The following SSU72 variants were observed in gnomAD, a reference collection of about 807,000 sequenced individuals.
SSU72 encodes RNA polymerase II subunit A C-terminal domain phosphatase SSU72.
Under a neutral mutation model 22.7 loss-of-function variants are expected in SSU72, and 12 were observed. That is an observed-to-expected ratio of 0.53 (90% CI 0.34 to 0.86). The LOEUF is 0.86. Among genes scored for constraint, SSU72 ranks in the 40% least tolerant of loss-of-function variants. SSU72 has a pLI of 0.02. For missense variants in SSU72, 151 were observed against 249.8 expected (o/e 0.60, Z 2.67); for synonymous variants, 116 against 98.3 (o/e 1.18, Z -1.06).
intron 2 of SSU72, among the ~76,000 whole-genome samples, chr1:1,556,383 A>AG (rs1439091718): frequency 6.6e-6 from 1 of 152,182 alleles, no homozygotes; most frequent in African/African-American, 2.4e-5. Context: ...TACTAAAAAT[A>AG]CAAAAAATTA....
chr1:1,569,875 C>T (rs6603793), intron 1 of SSU72, among the ~76,000 whole-genome samples: 78,525 of 152,014 alleles, frequency 0.52, 24,615 homozygotes, highest in East Asian at 0.87. Context: ...ACAATTCCTT[C>T]TGACAATTTT....
chr1:1,543,086 G>A (rs1040919742), intron 4 of SSU72, among the ~76,000 whole-genome samples: 6 of 152,240 alleles, frequency 3.9e-5, no homozygotes, highest in Admixed American at 6.5e-5. Context: ...GGGACGGTGC[G>A]TGGGGCTCTC....
At chr1:1,557,525 G>T (rs994398576) in intron 2 of SSU72, among the ~76,000 whole-genome samples, 1 of 152,022 alleles carries the variant, frequency 6.6e-6, no homozygotes, top group Admixed American at 6.6e-5. Flanking sequence ...CGGACACAGC[G>T]GCTCACACCT....
chr1:1,572,010 T>A (rs1179701986), intron 1 of SSU72, among the ~76,000 whole-genome samples: 1 of 151,204 alleles, frequency 6.6e-6, no homozygotes, highest in Non-Finnish European at 1.5e-5. Flanking sequence ...TTAGCCAAGA[T>A]GGTCTCGATC....
chr1:1,561,215 G>C (rs75185989), intron 2 of SSU72: 4,019 of 152,322 alleles, frequency 0.026, 84 homozygotes, highest in Non-Finnish European at 0.041. Flanking sequence ...CTCCCAAGTA[G>C]CTGGGACTAC....
rs1308667052 is a variant in SSU72, at chr1:1,546,857, CAACAAAA to C, written c.225-1862_225-1856del. ...AACTCCTTCTGGAAAACAACAACAA[CAACAAAA>C]AAAAAAAAAAAAAAAAAAAAGGCCG... On this transcript the variant is annotated intron_variant, in intron 2 of 4. Coordinates refer to ENST00000291386, the MANE Select transcript of SSU72 (RefSeq NM_014188.3). 6.5e-3 allele frequency among the ~76,000 whole-genome samples: 434 copies of C among 66,292 alleles called. 4 individuals carry two copies. The East Asian group carries it at 0.092, about 14-fold the overall frequency. The allele number at this position is 66,292 out of a possible 152,430, so 43.5% of individuals were successfully genotyped here. A position where few individuals can be genotyped will look rare whatever the true frequency, so the allele number is the denominator to read the frequency against.
At chr1:1,564,656 C>CA in intron 2 of SSU72, 117 bp downstream of exon 2, 1 of 1,614,052 alleles carries the variant, frequency 6.2e-7, no homozygotes, top group Non-Finnish European at 8.5e-7. Flanking sequence ...CTCGCAAAGA[C>CA]AGAGGAGCCA....
Position 1,564,783 on chromosome 1 carries a change from C to T in SSU72, c.214G>A (p.Asp72Asn). The stretch of plus-strand genomic sequence containing the variant: ...AACCCGCTGGGATACAGTTCTTTGT[C>T]TTTCCTAAGAAGATCATTGTACATC... Reference protein sequence around the residue: ...DQMYNDLLRKDKELYTQNGIL... With the variant: ...DQMYNDLLRKNKELYTQNGIL... Residue 72 changes from aspartate to asparagine, a missense_variant, in exon 2 of 5, where the codon GAC becomes AAC. By Grantham distance (23) the Asp-to-Asn change is conservative. Coordinates refer to ENST00000291386, the MANE Select transcript of SSU72 (RefSeq NM_014188.3). 2 of 1,614,204 alleles carry T rather than the reference C, an allele frequency of 1.2e-6. No homozygotes were observed. The highest frequency in any genetic ancestry group is 1.7e-6 in the Non-Finnish European group (2 of 1,180,048).
intron 2 of SSU72, 25 bp downstream of exon 2, chr1:1,564,748 T>C: frequency 6.2e-7 from 1 of 1,614,112 alleles, no homozygotes; most frequent in Non-Finnish European, 8.5e-7. Context: ...ACGGGGGGTT[T>C]TTAAAGGGCA....
intron 2 of SSU72, chr1:1,546,420 C>T (rs969295162): frequency 7.2e-5 from 11 of 152,220 alleles, no homozygotes; most frequent in Non-Finnish European, 1.3e-4. Flanking sequence ...TCCCCGAGGC[C>T]CCTGGAAGCA....
chr1:1,550,726 C>T (rs1247039767), intron 2 of SSU72, among the ~76,000 whole-genome samples: 1 of 152,164 alleles, frequency 6.6e-6, no homozygotes, highest in Non-Finnish European at 1.5e-5. Context: ...GGAGGTTTAG[C>T]AAAGCACCAC....
At chr1:1,571,485 AT>A (rs1350262563) in intron 1 of SSU72, among the ~76,000 whole-genome samples, 6 of 151,422 alleles carry the variant, frequency 4.0e-5, no homozygotes, top group Non-Finnish European at 5.9e-5. Flanking sequence ...TAACTTCATG[AT>A]ATCCATATTC....
chr1:1,566,116 T>G (rs987505667), intron 1 of SSU72, among the ~76,000 whole-genome samples: 1 of 148,354 alleles, frequency 6.7e-6, no homozygotes, highest in Non-Finnish European at 1.5e-5. Flanking sequence ...AAAAAAAAAA[T>G]TAGCTGGGCA....
rs758654147 is a variant in SSU72 at position 1,554,861 on chromosome 1, C to T, written c.225-9859G>A. Among the ~76,000 whole-genome samples, 5 of 152,198 alleles carry T rather than the reference C, an allele frequency of 3.3e-5. No homozygotes were observed. The highest frequency in any genetic ancestry group is 5.9e-5 in the Non-Finnish European group (4 of 68,042). On this transcript the variant is annotated intron_variant, in intron 2 of 4. Transcript: ENST00000291386. The surrounding 1 kb of genome is among the most constrained non-coding windows in gnomAD (Gnocchi z 4.1). ...CGGCGCCAGCCCCACGTACCCCCGA[C>T]CACCTCAGCTCCTGGCCCTCAGCCT...
At chr1:1,557,524 C>T (rs896952389) in intron 2 of SSU72, among the ~76,000 whole-genome samples, 1 of 151,486 alleles carries the variant, frequency 6.6e-6, no homozygotes, top group African/African-American at 2.4e-5. Context: ...CCGGACACAG[C>T]GGCTCACACC....
At chr1:1,563,133 A>T (rs1346331899) in intron 2 of SSU72, 1 of 152,342 alleles carries the variant, frequency 6.6e-6, no homozygotes, top group African/African-American at 2.4e-5. Flanking sequence ...GGCAGAAGGT[A>T]CAGTGATGGC....
chr1:1,552,016 A>C lies in SSU72; in HGVS notation c.225-7014T>G, dbSNP rs1642461184. On this transcript the variant is annotated intron_variant, in intron 2 of 4. Transcript: ENST00000291386. ...GCCGGCACCCCCACATCTTCCACTA[A>C]TGTATCAGCAACTCCCCTGGAAACC... Among the ~76,000 whole-genome samples the C allele has an allele frequency of 2.0e-5, 3 of 152,154 alleles. No individual in the cohort carries two copies. In the South Asian group the frequency reaches 6.2e-4, roughly 31 times the overall value.
At position 1,571,786 on chromosome 1, in the gene SSU72, G is replaced by C. The variant is rs560006827; in HGVS notation, c.80+2692C>G. ...TAAACCTGATTTTATTAACAAGATA[G>C]CTAAATAATTTTTTTTTTTGAGACA... On this transcript the variant is annotated intron_variant, in intron 1 of 4. Coordinates refer to ENST00000291386, the MANE Select transcript of SSU72 (RefSeq NM_014188.3). Among the ~76,000 whole-genome samples, 113 of 119,148 alleles carry C rather than the reference G, an allele frequency of 9.5e-4. 1 individual carries two copies. The highest frequency in any genetic ancestry group is 5.1e-3 in the African/African-American group (109 of 21,500). 78.2% of individuals were successfully genotyped at this position (119,148 alleles called of 152,430 possible).
At chr1:1,544,449 C>G (rs894235703) in intron 3 of SSU72, among the ~76,000 whole-genome samples, 13 of 152,116 alleles carry the variant, frequency 8.5e-5, no homozygotes, top group South Asian at 2.1e-4. Context: ...GAAACCCCGT[C>G]TCTACTAAAA....
Sources: allele counts gnomAD v4.1 joint callset (sites outside exome capture counted in the v4.1 genomes callset), GRCh38; gene constraint gnomAD v4.1.1; non-coding constraint Gnocchi (gnomAD v3.1); transcripts MANE v1.5; gene names NCBI Gene and HGNC (gene_info 2026-07-23, HGNC 2026-07-21).